The following DNAH14 variants were observed in gnomAD, a reference collection of about 807,000 sequenced individuals.
DNAH14 encodes axonemal beta dynein heavy chain 14.
A neutral mutation model predicts 520.9 loss-of-function variants in DNAH14; 478 were observed. That is an observed-to-expected ratio of 0.92 (90% CI 0.85 to 0.99). The LOEUF (loss-of-function observed/expected upper bound fraction) is 0.99, where lower values mean the gene tolerates loss of function less well. Among genes scored for constraint, DNAH14 ranks in the 50% least tolerant of loss-of-function variants. DNAH14 has a pLI of 0.00. For missense variants in DNAH14, 4,831 were observed against 5,234.5 expected (o/e 0.92, Z 2.38); for synonymous variants, 1,581 against 1,757.2 (o/e 0.90, Z 2.51).
At chr1:225,194,966 C>T (rs1042833476) in intron 38 of DNAH14, among the ~76,000 whole-genome samples, 6 of 152,044 alleles carry the variant, frequency 3.9e-5, no homozygotes, top group African/African-American at 1.4e-4. Context: ...CAATGAGATA[C>T]CATCTCACAC....
intron 11 of DNAH14, among the ~76,000 whole-genome samples, chr1:225,027,035 T>A (rs919575217): frequency 5.9e-5 from 9 of 152,268 alleles, no homozygotes; most frequent in Non-Finnish European, 1.3e-4. Context: ...GAATTATTTT[T>A]AAATTTTATT....
chr1:225,137,326 T>G (rs986368803), intron 27 of DNAH14, among the ~76,000 whole-genome samples: 1 of 152,000 alleles, frequency 6.6e-6, no homozygotes, highest in East Asian at 1.9e-4. Flanking sequence ...TGTGGGGTCT[T>G]TTTTTGTTGA....
In DNAH14 at chr1:225,080,620, G is replaced by A. The variant is rs546330590; in HGVS notation, c.3008G>A (p.Trp1003Ter). ...GACTTGACTTTGAGGAAAAAACTAT[G>A]GGAAGCACAAGAGGAGTGGAAGCGA... ...EGDLTLRKKLWEAQEEWKRAS... is the reference protein window; with the variant it reads ...EGDLTLRKKL Residue 1003 changes from tryptophan to a stop codon, truncating the protein, a stop_gained, in exon 19 of 86, where the codon TGG (tryptophan) becomes TAG (stop). Coordinates refer to ENST00000682510, the MANE Select transcript of DNAH14 (RefSeq NM_001367479.1). LOFTEE classifies it high-confidence loss of function. 6.4e-7 allele frequency: 1 copy of A among 1,552,082 alleles called. No homozygotes were observed. The highest frequency in any genetic ancestry group is 8.7e-7 in the Non-Finnish European group (1 of 1,147,082).
chr1:225,053,639 A>G (rs999046136), intron 17 of DNAH14, among the ~76,000 whole-genome samples: 2 of 152,166 alleles, frequency 1.3e-5, no homozygotes, highest in African/African-American at 4.8e-5. Flanking sequence ...GATATGAGAT[A>G]CATCTAGGAC....
chr1:225,099,139 G>A (rs2075234041), intron 22 of DNAH14, among the ~76,000 whole-genome samples: 1 of 152,180 alleles, frequency 6.6e-6, no homozygotes, highest in African/African-American at 2.4e-5. Context: ...GTGCTTAAGA[G>A]AAGGTGAGAC....
At position 224,970,385 on chromosome 1, in the gene DNAH14, C is replaced by T. The variant is rs2061434092; in HGVS notation, c.767+1511C>T. Among the ~76,000 whole-genome samples, 5 of 152,230 alleles carry T rather than the reference C, an allele frequency of 3.3e-5. No homozygotes were observed. The South Asian group carries it at 1.0e-3, about 32-fold the overall frequency. On this transcript the variant is annotated intron_variant, in intron 7 of 85. Coordinates refer to ENST00000682510, the MANE Select transcript of DNAH14 (RefSeq NM_001367479.1). ...CTTCATTGGCAATTTTAATTTCGCCCCGGTCCTGTGGTCCTGTGATGTTGC... is the reference window on the plus strand; with the variant it reads ...CTTCATTGGCAATTTTAATTTCGCCTCGGTCCTGTGGTCCTGTGATGTTGC...
intron 8 of DNAH14, among the ~76,000 whole-genome samples, chr1:224,996,256 C>G (rs2063383961): frequency 1.3e-5 from 2 of 151,960 alleles, no homozygotes; most frequent in Admixed American, 1.3e-4. Context: ...CTCCTGGGCT[C>G]AAGCAATCCT....
chr1:225,378,702 G>A (rs1302498160), intron 79 of DNAH14, among the ~76,000 whole-genome samples: 2 of 151,984 alleles, frequency 1.3e-5, no homozygotes, highest in Admixed American at 1.3e-4. Flanking sequence ...CCAAGATGGT[G>A]AAACCCCGTC....
At chr1:225,376,141 C>A (rs2095697483) in intron 78 of DNAH14, among the ~76,000 whole-genome samples, 1 of 151,660 alleles carries the variant, frequency 6.6e-6, no homozygotes, top group Admixed American at 6.6e-5. Flanking sequence ...ATTTAGGATT[C>A]TTTGGCCAAA....
At chr1:225,224,133 T>C (rs986674648) in intron 41 of DNAH14, among the ~76,000 whole-genome samples, 2 of 152,108 alleles carry the variant, frequency 1.3e-5, no homozygotes, top group Non-Finnish European at 2.9e-5. Flanking sequence ...GTGATATTAA[T>C]TGGCTTTACC....
At chr1:225,167,068 A>C (rs2082102574) in intron 35 of DNAH14, among the ~76,000 whole-genome samples, 2 of 152,228 alleles carry the variant, frequency 1.3e-5, no homozygotes, top group South Asian at 4.1e-4. Context: ...AGGATTCATA[A>C]GTTCAGGCCT....
chr1:225,239,912 G>A (rs1193610785), intron 42 of DNAH14, among the ~76,000 whole-genome samples: 3 of 152,120 alleles, frequency 2.0e-5, no homozygotes, highest in African/African-American at 7.2e-5. Context: ...TGAACTATAT[G>A]AAATGTCTTT....
chr1:225,023,194 C>T (rs1399206565), intron 10 of DNAH14, among the ~76,000 whole-genome samples: 2 of 152,036 alleles, frequency 1.3e-5, no homozygotes, highest in African/African-American at 4.8e-5. Flanking sequence ...CAGCAATACA[C>T]AATTTAACCG....
chr1:224,962,188 T>G (rs2060888336), intron 4 of DNAH14, among the ~76,000 whole-genome samples: 1 of 152,142 alleles, frequency 6.6e-6, no homozygotes, highest in African/African-American at 2.4e-5. Flanking sequence ...GTACATGCTT[T>G]GTATAATTGC....
chr1:225,107,604 GGA>G (rs962299046), intron 23 of DNAH14, among the ~76,000 whole-genome samples: 14 of 152,164 alleles, frequency 9.2e-5, no homozygotes, highest in Admixed American at 9.2e-4. Context: ...TCCCCTGTAC[GGA>G]GACAGAGGCA....
intron 1 of DNAH14, among the ~76,000 whole-genome samples, chr1:224,942,112 T>G (rs1328144739): frequency 6.6e-6 from 1 of 152,216 alleles, no homozygotes; most frequent in Non-Finnish European, 1.5e-5. Context: ...ATGGCCATTT[T>G]CACGATATTG....
intron 35 of DNAH14, among the ~76,000 whole-genome samples, chr1:225,165,823 C>A (rs1246371462): frequency 6.6e-6 from 1 of 151,818 alleles, no homozygotes; most frequent in Admixed American, 6.6e-5. Context: ...GGGCTCAAGC[C>A]GTCCGTCTGC....
chr1:225,173,166 A>T (rs2082905668), intron 36 of DNAH14, among the ~76,000 whole-genome samples: 1 of 152,148 alleles, frequency 6.6e-6, no homozygotes, highest in Admixed American at 6.5e-5. Context: ...CTAGAAGAAA[A>T]CCTAGGCAAT....
intron 23 of DNAH14, among the ~76,000 whole-genome samples, chr1:225,114,980 T>A (rs991715424): frequency 6.6e-6 from 1 of 152,206 alleles, no homozygotes; most frequent in Non-Finnish European, 1.5e-5. Context: ...TTCATAGAGA[T>A]AGTTGTTAAA....
Sources: gnomAD v4.1 joint callset for allele counts (sites outside exome capture counted in the v4.1 genomes callset) on GRCh38, gnomAD v4.1.1 for gene constraint, MANE v1.5 for transcripts, NCBI Gene and HGNC (gene_info 2026-07-23, HGNC 2026-07-21) for gene names.